HYDIN: variants seen among roughly 807,000 people sequenced by gnomAD.
HYDIN encodes HYDIN axonemal central pair apparatus protein.
A neutral mutation model predicts 403.9 loss-of-function variants in HYDIN; 132 were observed. That is an observed-to-expected ratio of 0.33 (90% CI 0.28 to 0.38). The LOEUF (loss-of-function observed/expected upper bound fraction) is 0.38, where lower values mean the gene tolerates loss of function less well. Ranked by LOEUF, HYDIN falls within the 10% of genes least tolerant of loss-of-function variation. HYDIN has a pLI of 1.00. For synonymous variants in HYDIN, 1,202 were observed against 1,891.7 expected (o/e 0.64, Z 9.46); for missense variants, 2,827 against 5,009.5 (o/e 0.56, Z 13.15).
Position 70,964,714 on chromosome 16 carries a change from CA to C in HYDIN, c.5788+13del. ...AATGGTTAGCATGAGGTGTTCTCCA[CA>C]TTGAGTTCTCACCATTCTCCTGTGC... On this transcript the variant is annotated intron_variant, in intron 37 of 85. Transcript: ENST00000393567. 6.2e-7 allele frequency: 1 copy of C among 1,612,596 alleles called. No individual in the cohort carries two copies. Among genetic ancestry groups the C allele is most frequent in the Non-Finnish European group, 8.5e-7 (1 of 1,178,788 alleles).
chr16:71,214,945 G>T (rs1436542272), intron 1 of HYDIN, among the ~76,000 whole-genome samples: 2 of 152,164 alleles, frequency 1.3e-5, no homozygotes, highest in African/African-American at 4.8e-5. Context: ...AGAGATCCAG[G>T]ATAAGATAAT....
At chr16:71,227,620 A>C (rs561112715) in intron 1 of HYDIN, among the ~76,000 whole-genome samples, 3 of 152,288 alleles carry the variant, frequency 2.0e-5, no homozygotes, top group South Asian at 2.1e-4. Context: ...ATGTGAAGGA[A>C]CTCTTCAAGG....
Position 70,833,955 on chromosome 16 carries a change from T to C in HYDIN, c.13611A>G (p.Gly4537=). ...ISLDQEHIPF[G]PVVYQTQATR... ...TGGCTTGCGTCTGATACACCACGGGTCCAAAGGGAATATGTTCCTGGTCCA... is the reference window on the plus strand; with the variant it reads ...TGGCTTGCGTCTGATACACCACGGGCCCAAAGGGAATATGTTCCTGGTCCA... The change falls in exon 79 of 86, where the codon GGA becomes GGG. Residue 4537 remains glycine, a synonymous_variant. Transcript: ENST00000393567. 6.2e-7 allele frequency: 1 copy of C among 1,613,046 alleles called. No homozygotes were observed. Among genetic ancestry groups the C allele is most frequent in the Non-Finnish European group, 8.5e-7 (1 of 1,179,660 alleles).
intron 3 of HYDIN, among the ~76,000 whole-genome samples, 176 bp from the exon 4 acceptor site, chr16:71,179,223 T>C (rs180755179): frequency 5.3e-5 from 8 of 151,922 alleles, no homozygotes; most frequent in Admixed American, 5.2e-4. Context: ...GACAAAAGAA[T>C]GTGTAAAAGA....
chr16:71,126,078 C>T lies in HYDIN; in HGVS notation c.1227+3562G>A, dbSNP rs544905881. Among the ~76,000 whole-genome samples, 3 of 152,218 alleles carry T rather than the reference C, an allele frequency of 2.0e-5. No individual in the cohort carries two copies. In the East Asian group the frequency reaches 5.8e-4, roughly 29 times the overall value. On this transcript the variant is annotated intron_variant, in intron 9 of 85. Transcript: ENST00000393567. ...GTCACCTTCTCTTGAACCAGTATTT[C>T]TTAAGCTTATTTGACCACAGAACTC...
At chr16:70,944,024 G>A (rs1359275458) in intron 41 of HYDIN, 75 bp from the exon 42 acceptor site, 2 of 1,103,044 alleles carry the variant, frequency 1.8e-6, no homozygotes, top group Non-Finnish European at 2.7e-6. Context: ...ACCAGCCACA[G>A]GACCTTGGGA....
chr16:71,227,679 G>A (rs1194893753), intron 1 of HYDIN, among the ~76,000 whole-genome samples: 1 of 152,160 alleles, frequency 6.6e-6, no homozygotes, highest in African/African-American at 2.4e-5. Flanking sequence ...ACAAATGGAA[G>A]AACATTCCAT....
rs2035123181 is a variant in HYDIN at position 70,806,714 on chromosome 16, G to C, written c.*866C>G. 6.6e-6 allele frequency among the ~76,000 whole-genome samples: 1 copy of C among 152,138 alleles called. No homozygotes were observed. The highest frequency in any genetic ancestry group is 2.4e-5 in the African/African-American group (1 of 41,422). ...AGAGGCAGGGGGACCCTCCGTCAGA[G>C]GTGTATGTCTGCAGAAGCAAACCCA... On this transcript the variant is annotated 3_prime_UTR_variant, in exon 86 of 86. Coordinates refer to ENST00000393567, the MANE Select transcript of HYDIN (RefSeq NM_001270974.2).
At chr16:70,818,637 C>G (rs534445845) in intron 83 of HYDIN, 65 bp from the exon 84 acceptor site, 18 of 640,040 alleles carry the variant, frequency 2.8e-5, no homozygotes, top group Admixed American at 2.7e-4. Flanking sequence ...GTCCTCTGCA[C>G]ATTTTCAGAG....
intron 36 of HYDIN, among the ~76,000 whole-genome samples, chr16:70,968,020 T>C (rs1450114490): frequency 1.4e-5 from 2 of 140,074 alleles, no homozygotes; most frequent in African/African-American, 5.2e-5. Flanking sequence ...AACATCATTA[T>C]GTGTTATGAT....
intron 83 of HYDIN, among the ~76,000 whole-genome samples, chr16:70,824,825 G>A (rs527975953): frequency 3.3e-5 from 5 of 151,672 alleles, no homozygotes; most frequent in Non-Finnish European, 7.4e-5. Flanking sequence ...TTTTCAGATA[G>A]AATTTGTGCA....
At position 71,094,078 on chromosome 16, in the gene HYDIN, A is replaced by G. The variant is rs1342798914; in HGVS notation, c.1328-143T>C. 4.8e-6 allele frequency: 3 copies of G among 623,106 alleles called. No individual in the cohort carries two copies. The Admixed American group carries it at 1.1e-4, about 22-fold the overall frequency. The allele number at this position is 623,106 out of a possible 1,614,324, so 38.6% of individuals were successfully genotyped here. ...CACCGAGGGAACTGCAATTTAACTA[A>G]CGCTGAAGATTCATCCTATATGGGA... On this transcript the variant is annotated intron_variant, in intron 10 of 85. Coordinates refer to ENST00000393567, the MANE Select transcript of HYDIN (RefSeq NM_001270974.2).
intron 50 of HYDIN, among the ~76,000 whole-genome samples, chr16:70,904,930 G>A (rs2076493143): frequency 2.0e-5 from 3 of 152,018 alleles, no homozygotes; most frequent in Admixed American, 6.6e-5. Flanking sequence ...TTAGGAGGCA[G>A]TTTCTGTTCC....
At chr16:71,038,769 T>C (rs2081185789) in intron 18 of HYDIN, among the ~76,000 whole-genome samples, 1 of 152,298 alleles carries the variant, frequency 6.6e-6, no homozygotes, top group South Asian at 2.1e-4. Flanking sequence ...CAAGCAATTC[T>C]CCTGCCTCAG....
At chr16:70,859,650 C>T (rs1270210643) in intron 71 of HYDIN, among the ~76,000 whole-genome samples, 2 of 152,162 alleles carry the variant, frequency 1.3e-5, no homozygotes, top group Admixed American at 1.3e-4. Context: ...TAGGATGAAG[C>T]CATGGGACAT....
At chr16:70,867,872 T>C (rs8055938) in intron 66 of HYDIN, among the ~76,000 whole-genome samples, 6,302 of 150,674 alleles carry the variant, frequency 0.042, 462 homozygotes, top group African/African-American at 0.14. Context: ...TTTCACCATG[T>C]TGCCCAGGTT....
At chr16:70,941,842 C>CA in intron 42 of HYDIN, 23 bp from the exon 43 acceptor site, 6 of 1,438,632 alleles carry the variant, frequency 4.2e-6, no homozygotes, top group African/African-American at 1.5e-5. Flanking sequence ...AGAGCAAAGA[C>CA]AGTTACTATG....
At chr16:71,077,354 T>G (rs1304132752) in intron 13 of HYDIN, among the ~76,000 whole-genome samples, 10 of 151,782 alleles carry the variant, frequency 6.6e-5, no homozygotes, top group Non-Finnish European at 1.5e-4. Flanking sequence ...ATTGTTAGGT[T>G]ATTTTATAGT....
Position 70,895,888 on chromosome 16 carries a change from A to G in HYDIN, c.9148+93T>C. ...AATTGCCCCATGCCCAATCCCTGCA[A>G]TACTAACAACACACTAGCCTTTCTC... On this transcript the variant is annotated intron_variant, in intron 54 of 85. Transcript: ENST00000393567. 2.7e-6 allele frequency: 4 copies of G among 1,458,746 alleles called. 1 individual carries two copies. The highest frequency in any genetic ancestry group is 3.6e-6 in the Non-Finnish European group (4 of 1,103,772). 90.4% of individuals were successfully genotyped at this position (1,458,746 alleles called of 1,614,324 possible).
Sources: gnomAD v4.1 joint callset for allele counts (sites outside exome capture counted in the v4.1 genomes callset) on GRCh38, gnomAD v4.1.1 for gene constraint, MANE v1.5 for transcripts, NCBI Gene and HGNC (gene_info 2026-07-23, HGNC 2026-07-21) for gene names.